The following TACR1 variants were observed in gnomAD, a reference collection of about 807,000 sequenced individuals.
TACR1 encodes the protein tachykinin receptor 1, also known as substance-P receptor.
TACR1 carries 25 observed loss-of-function variants against 35.8 expected under a neutral mutation model. The observed-to-expected ratio is 0.70, with a 90% confidence interval of 0.51 to 0.98. The LOEUF is 0.98. TACR1 is among the 50% of genes least tolerant of loss of function. TACR1 has a pLI of 0.00. For missense variants in TACR1, 478 were observed against 522.9 expected (o/e 0.91, Z 0.84); for synonymous variants, 195 against 206.7 (o/e 0.94, Z 0.48).
intron 2 of TACR1, among the ~76,000 whole-genome samples, chr2:75,061,445 A>G (rs910254100): frequency 6.6e-6 from 1 of 152,042 alleles, no homozygotes; most frequent in Non-Finnish European, 1.5e-5. Flanking sequence ...GGGAGAGGAG[A>G]GAGCAGTCGT....
At chr2:75,179,984 C>T (rs1264287552) in intron 1 of TACR1, among the ~76,000 whole-genome samples, 1 of 152,186 alleles carries the variant, frequency 6.6e-6, no homozygotes, top group African/African-American at 2.4e-5. Context: ...TCTACCCTGA[C>T]TCACTCCAAT....
At chr2:75,098,659 G>A (rs115133960) in intron 2 of TACR1, among the ~76,000 whole-genome samples, 331 of 152,150 alleles carry the variant, frequency 2.2e-3, no homozygotes, top group African/African-American at 7.8e-3. Flanking sequence ...TACCAGCCTT[G>A]CTCACCACCA....
chr2:75,079,834 A>G (rs1345792143), intron 2 of TACR1, among the ~76,000 whole-genome samples: 2 of 150,732 alleles, frequency 1.3e-5, no homozygotes, highest in South Asian at 2.1e-4. Context: ...AGTCGTAACA[A>G]TGTTCTGGAG....
chr2:75,192,031 T>C (rs759049436), intron 1 of TACR1, among the ~76,000 whole-genome samples: 1 of 152,050 alleles, frequency 6.6e-6, no homozygotes, highest in Admixed American at 6.6e-5. Flanking sequence ...TCAGCTAGAC[T>C]TGCAGGTCTA....
At chr2:75,071,338 A>G (rs879552344) in intron 2 of TACR1, among the ~76,000 whole-genome samples, 14 of 152,244 alleles carry the variant, frequency 9.2e-5, no homozygotes, top group Non-Finnish European at 1.5e-4. Flanking sequence ...TATTTAGGCT[A>G]TTGGGATGCC....
chr2:75,094,332 AGT>A (rs1673369294), intron 2 of TACR1, among the ~76,000 whole-genome samples: 1 of 152,198 alleles, frequency 6.6e-6, no homozygotes, highest in Non-Finnish European at 1.5e-5. Context: ...CGTCGGGTAA[AGT>A]ATTAAGAAAA....
intron 1 of TACR1, among the ~76,000 whole-genome samples, chr2:75,137,287 T>G (rs1215637864): frequency 1.3e-5 from 2 of 152,226 alleles, no homozygotes; most frequent in African/African-American, 2.4e-5. Flanking sequence ...CTTATTTTAT[T>G]TCACTTCTAC....
chr2:75,065,095 T>C (rs991907921), intron 2 of TACR1, among the ~76,000 whole-genome samples: 1 of 152,208 alleles, frequency 6.6e-6, no homozygotes, highest in African/African-American at 2.4e-5. Flanking sequence ...CGGCCCCAGA[T>C]ACGGAAATGT....
chr2:75,093,626 G>C (rs1673352766), intron 2 of TACR1, among the ~76,000 whole-genome samples: 1 of 152,108 alleles, frequency 6.6e-6, no homozygotes, highest in Non-Finnish European at 1.5e-5. Context: ...GTATTTGGTT[G>C]GGTGCTGTTT....
chr2:75,159,746 C>T (rs1398401203), intron 1 of TACR1, among the ~76,000 whole-genome samples: 2 of 152,076 alleles, frequency 1.3e-5, no homozygotes, highest in Non-Finnish European at 2.9e-5. Flanking sequence ...TACAATTACC[C>T]ATAAAATGTT....
chr2:75,072,874 T>G (rs1220281304), intron 2 of TACR1, among the ~76,000 whole-genome samples: 1 of 152,228 alleles, frequency 6.6e-6, no homozygotes, highest in East Asian at 1.9e-4. Context: ...TGGAAAATGT[T>G]TAAACAAAAT....
chr2:75,090,007 T>C (rs1673277064), intron 2 of TACR1, among the ~76,000 whole-genome samples: 1 of 152,174 alleles, frequency 6.6e-6, no homozygotes. Context: ...CTGTATTTCA[T>C]TGTTTTGCCA....
chr2:75,129,654 A>G (rs1674141610), intron 1 of TACR1, among the ~76,000 whole-genome samples: 2 of 152,214 alleles, frequency 1.3e-5, no homozygotes, highest in African/African-American at 4.8e-5. Context: ...ATTTTTTGAA[A>G]TCTTAAGAAA....
chr2:75,109,101 T>C (rs1673703953), intron 2 of TACR1, among the ~76,000 whole-genome samples: 1 of 152,176 alleles, frequency 6.6e-6, no homozygotes, highest in Admixed American at 6.5e-5. Flanking sequence ...GCTGCAGTGC[T>C]GAAGGCTGCA....
At chr2:75,147,704 T>G (rs1464597586) in intron 1 of TACR1, among the ~76,000 whole-genome samples, 1 of 151,978 alleles carries the variant, frequency 6.6e-6, no homozygotes, top group Non-Finnish European at 1.5e-5. Context: ...GATGATGGCT[T>G]TCAGCTTCAT....
chr2:75,048,593 T>C lies in TACR1; in HGVS notation c.*839A>G, dbSNP rs190654864. The C allele has an allele frequency of 2.8e-4, 42 of 152,258 alleles. No homozygotes were observed. The highest frequency in any genetic ancestry group is 1.0e-3 in the African/African-American group (42 of 41,540). The allele number at this position is 152,258 out of a possible 1,614,324, so 9.4% of individuals were successfully genotyped here. On this transcript the variant is annotated 3_prime_UTR_variant, in exon 5 of 5. Coordinates refer to ENST00000305249, the MANE Select transcript of TACR1 (RefSeq NM_001058.4). ...TTATTCTTCGTTTTGTTTTTTTTTG[T>C]AAAACAAACAAAAAACTCATACAAT... is the stretch of plus-strand genomic sequence containing the variant.
At chr2:75,080,952 A>G (rs1673076459) in intron 2 of TACR1, among the ~76,000 whole-genome samples, 1 of 152,228 alleles carries the variant, frequency 6.6e-6, no homozygotes, top group Admixed American at 6.5e-5. Flanking sequence ...AAGGAAATAG[A>G]AAAGACAGAA....
chr2:75,103,981 G>A (rs754890946), intron 2 of TACR1, among the ~76,000 whole-genome samples: 12 of 152,066 alleles, frequency 7.9e-5, no homozygotes, highest in Non-Finnish European at 1.8e-4. Flanking sequence ...AGGAGAGCAA[G>A]AGAGGAAGAA....
At chr2:75,086,733 C>G (rs1005107707) in intron 2 of TACR1, among the ~76,000 whole-genome samples, 2 of 151,974 alleles carry the variant, frequency 1.3e-5, no homozygotes. Flanking sequence ...AAATGGAATC[C>G]AAAAATAAGG....
Sources: gnomAD v4.1 joint callset for allele counts (sites outside exome capture counted in the v4.1 genomes callset) on GRCh38, gnomAD v4.1.1 for gene constraint, MANE v1.5 for transcripts, NCBI Gene and HGNC (gene_info 2026-07-23, HGNC 2026-07-21) for gene names.